OTUD7A: variants seen among roughly 807,000 people sequenced by gnomAD.
The protein encoded by OTUD7A is OTU deubiquitinase 7A.
Under a neutral mutation model 65.7 loss-of-function variants are expected in OTUD7A, and 12 were observed. The ratio of observed to expected loss-of-function variants is 0.18; its 90% CI spans 0.12 to 0.30. The LOEUF (loss-of-function observed/expected upper bound fraction) is 0.30. Ranked by LOEUF, OTUD7A falls within the 10% of genes least tolerant of loss-of-function variation. OTUD7A has a pLI of 1.00. For synonymous variants in OTUD7A, 641 were observed against 586.3 expected (o/e 1.09, Z -1.35); for missense variants, 1,148 against 1,304.8 (o/e 0.88, Z 1.85).
intron 3 of OTUD7A, among the ~76,000 whole-genome samples, chr15:31,611,525 T>G (rs763214085): frequency 2.0e-5 from 3 of 152,196 alleles, no homozygotes; most frequent in Non-Finnish European, 4.4e-5. Flanking sequence ...AAGGCTACTA[T>G]GAACATCTTT....
At chr15:31,860,791 C>T (rs1185611298) in intron 1 of OTUD7A, among the ~76,000 whole-genome samples, 1 of 147,220 alleles carries the variant, frequency 6.8e-6, no homozygotes, top group Non-Finnish European at 1.5e-5. Context: ...TTGCAAGCTA[C>T]GCCTCCTGGG....
chr15:31,804,998 G>A (rs1304105113), intron 1 of OTUD7A, among the ~76,000 whole-genome samples: 1 of 152,204 alleles, frequency 6.6e-6, no homozygotes, highest in Non-Finnish European at 1.5e-5. Context: ...GAAGAAGACA[G>A]GCATCAGAAA....
At chr15:31,493,167 A>G (rs1399803014) in intron 10 of OTUD7A, among the ~76,000 whole-genome samples, 4 of 151,342 alleles carry the variant, frequency 2.6e-5, no homozygotes, top group East Asian at 1.9e-4. Flanking sequence ...AAAAAGAAAA[A>G]GAATCCCATT....
chr15:31,690,603 A>G (rs1226845480), intron 1 of OTUD7A, among the ~76,000 whole-genome samples: 1 of 152,250 alleles, frequency 6.6e-6, no homozygotes, highest in Non-Finnish European at 1.5e-5. Context: ...ATACATGGTT[A>G]AATCGTTTTC....
intron 1 of OTUD7A, among the ~76,000 whole-genome samples, chr15:31,780,230 C>A (rs1895500950): frequency 6.6e-6 from 1 of 152,150 alleles, no homozygotes; most frequent in Non-Finnish European, 1.5e-5. Context: ...TTCTTCACTT[C>A]CAGTAACACA....
chr15:31,859,515 T>C (rs1303586407), intron 1 of OTUD7A, among the ~76,000 whole-genome samples: 2 of 152,272 alleles, frequency 1.3e-5, no homozygotes, highest in African/African-American at 2.4e-5. Flanking sequence ...CCAGTTCACC[T>C]TGCAGATGTC....
chr15:31,525,260 G>A (rs972359307), intron 8 of OTUD7A, among the ~76,000 whole-genome samples: 3 of 152,224 alleles, frequency 2.0e-5, no homozygotes, highest in Non-Finnish European at 2.9e-5. Context: ...TTCCACAGTC[G>A]ACTGAGTCTT....
chr15:31,618,231 A>G (rs528083217), intron 3 of OTUD7A, among the ~76,000 whole-genome samples: 34 of 152,324 alleles, frequency 2.2e-4, no homozygotes, highest in Non-Finnish European at 3.8e-4. Context: ...TAGTGCCTCA[A>G]TAAACATACA....
intron 3 of OTUD7A, among the ~76,000 whole-genome samples, chr15:31,625,475 A>G (rs1317748256): frequency 2.0e-5 from 3 of 152,212 alleles, no homozygotes; most frequent in African/African-American, 7.2e-5. Flanking sequence ...CTAAAGTTAA[A>G]AAGACTGACA....
chr15:31,577,839 A>G (rs1889252111), intron 3 of OTUD7A, among the ~76,000 whole-genome samples: 1 of 150,828 alleles, frequency 6.6e-6, no homozygotes, highest in South Asian at 2.1e-4. Flanking sequence ...AAAAAACAAC[A>G]CAGAAGCAGG....
chr15:31,732,253 A>C (rs570475775), intron 1 of OTUD7A, among the ~76,000 whole-genome samples: 2 of 152,328 alleles, frequency 1.3e-5, no homozygotes, highest in South Asian at 2.1e-4. Flanking sequence ...CTACTGTCAT[A>C]AGAGAAGTTA....
intron 1 of OTUD7A, among the ~76,000 whole-genome samples, chr15:31,852,865 A>T (rs1897465835): frequency 1.3e-5 from 2 of 152,262 alleles, no homozygotes; most frequent in South Asian, 4.1e-4. Flanking sequence ...GTAAGAATTC[A>T]TTCAAGGTTA....
In OTUD7A at chr15:31,484,648, G is replaced by A. The variant is rs2041207444; in HGVS notation, c.1448C>T (p.Ser483Leu). The change falls in exon 13 of 13, where the codon TCG (serine) becomes TTG (leucine). Residue 483 changes from serine to leucine, a missense_variant. Physicochemically the swap from Ser to Leu is moderately radical, Grantham distance 145. Around this residue, in one of 6 missense-constraint regions of OTUD7A, gnomAD observed 842 missense variants for 769.5 expected, o/e 1.09. Coordinates refer to ENST00000307050, the MANE Select transcript of OTUD7A (RefSeq NM_001382637.1). The surrounding 1 kb of genome is among the most constrained non-coding windows in gnomAD (Gnocchi z 4.5). The part of the protein sequence containing the change: ...DVQSLADSLD[S>L]DRDSVCSNSN... ...ATTGCTGCACACCGAATCGCGGTCC[G>A]AGTCCAGCGAGTCGGCCAGGGACTG... is the stretch of plus-strand genomic sequence containing the variant. 1.3e-6 allele frequency: 2 copies of A among 1,582,730 alleles called. No individual in the cohort carries two copies. The highest frequency in any genetic ancestry group is 1.1e-5 in the South Asian group (1 of 88,082).
chr15:31,600,485 G>A (rs1477582865), intron 3 of OTUD7A, among the ~76,000 whole-genome samples: 4 of 152,244 alleles, frequency 2.6e-5, no homozygotes, highest in Middle Eastern at 3.4e-3. Context: ...AGGAACAGCC[G>A]GTACCAGCCA....
At chr15:31,618,433 A>G (rs1488290737) in intron 3 of OTUD7A, among the ~76,000 whole-genome samples, 1 of 152,208 alleles carries the variant, frequency 6.6e-6, no homozygotes, top group Non-Finnish European at 1.5e-5. Context: ...CATCCTCTCC[A>G]GCATCTGTTG....
At chr15:31,531,676 C>G (rs765400990) in intron 5 of OTUD7A, among the ~76,000 whole-genome samples, 1 of 152,186 alleles carries the variant, frequency 6.6e-6, no homozygotes, top group African/African-American at 2.4e-5. Flanking sequence ...CCGACCACCA[C>G]CCCTGCCAGC....
chr15:31,778,399 A>T (rs904699140), intron 1 of OTUD7A, among the ~76,000 whole-genome samples: 3 of 152,228 alleles, frequency 2.0e-5, no homozygotes, highest in Non-Finnish European at 4.4e-5. Context: ...AGGAATAGCA[A>T]ACTCACTCAC....
rs541727577 is a variant in OTUD7A, at chr15:31,708,960, T to C, written c.-99-51883A>G. ...GGGAATGTCAGAGAAGATGTGAAAG[T>C]GACAGCAGTCGAGGAGTAGATTACA... On this transcript the variant is annotated intron_variant, in intron 1 of 12. Coordinates refer to ENST00000307050, the MANE Select transcript of OTUD7A (RefSeq NM_001382637.1). Among the ~76,000 whole-genome samples, 14 of 151,676 alleles carry C rather than the reference T, an allele frequency of 9.2e-5. No homozygotes were observed. The South Asian group carries it at 2.9e-3, about 31-fold the overall frequency.
chr15:31,484,844 C>T lies in OTUD7A; in HGVS notation c.1372-120G>A, dbSNP rs1386817728. 6 of 1,458,982 alleles carry T rather than the reference C, an allele frequency of 4.1e-6. No individual in the cohort carries two copies. Among genetic ancestry groups the T allele is most frequent in the Non-Finnish European group, 4.5e-6 (5 of 1,106,658 alleles). 90.4% of individuals were successfully genotyped at this position (1,458,982 alleles called of 1,614,324 possible). ...CTAGGGCCCTGGACCTTCACTGTCC[C>T]AGTCCCCACTGTCGCTCTGGTGACT... On this transcript the variant is annotated intron_variant, in intron 12 of 12. Transcript: ENST00000307050. The surrounding 1 kb of genome is among the most constrained non-coding windows in gnomAD (Gnocchi z 4.5).
Sources: gnomAD v4.1 joint callset for allele counts (sites outside exome capture counted in the v4.1 genomes callset) on GRCh38, gnomAD v4.1.1 for gene constraint, gnomAD v4.1.1 regional missense constraint, Gnocchi (gnomAD v3.1) non-coding constraint, MANE v1.5 for transcripts, NCBI Gene and HGNC (gene_info 2026-07-23, HGNC 2026-07-21) for gene names.